Variants in VAMP7 observed in about 807,000 individuals in gnomAD.
The protein encoded by VAMP7 is vesicle-associated membrane protein 7.
VAMP7 carries 14 observed loss-of-function variants against 29.6 expected under a neutral mutation model. That is an observed-to-expected ratio of 0.47 (90% CI 0.31 to 0.74). VAMP7 has a LOEUF of 0.74. Ranked by LOEUF, VAMP7 falls within the 30% of genes least tolerant of loss-of-function variation. The pLI, the probability that VAMP7 is intolerant of heterozygous loss-of-function variation, is 0.05. For synonymous variants in VAMP7, 95 were observed against 88.1 expected (o/e 1.08, Z -0.44); for missense variants, 223 against 262.4 (o/e 0.85, Z 1.04).
chrX:155,942,120 C>T lies in VAMP7; in HGVS notation c.*169C>T. 1 of 1,552,326 alleles carries T rather than the reference C, an allele frequency of 6.4e-7. No individual in the cohort carries two copies. The highest frequency in any genetic ancestry group is 2.4e-5 in the East Asian group (1 of 40,926). On this transcript the variant is annotated 3_prime_UTR_variant, in exon 8 of 8. Transcript: ENST00000286448. ...GCCTCCAGGTTTATCTTTGTCTTATCTACCAGTTTATTCCTGTGAACTTCA... is the reference window on the plus strand; with the variant it reads ...GCCTCCAGGTTTATCTTTGTCTTATTTACCAGTTTATTCCTGTGAACTTCA...
In VAMP7 at chrX:155,893,000, G is replaced by T. The variant is rs1363063542; in HGVS notation, c.147-2623G>T. On this transcript the variant is annotated intron_variant, in intron 2 of 7. Transcript: ENST00000286448. ...ACTCCTGACCTCAGGCAATCCGCCC[G>T]CCTCGGCCTCCCAAAGTGCTGGGAT... Among the ~76,000 whole-genome samples, 2 of 151,832 alleles carry T rather than the reference G, an allele frequency of 1.3e-5. 1 individual carries two copies. Among genetic ancestry groups the T allele is most frequent in the African/African-American group, 4.9e-5 (2 of 41,224 alleles).
In VAMP7 at chrX:155,942,218, A is replaced by G; in HGVS notation, c.*267A>G. 3 of 1,489,580 alleles carry G rather than the reference A, an allele frequency of 2.0e-6. No individual in the cohort carries two copies. Among genetic ancestry groups the G allele is most frequent in the Non-Finnish European group, 1.8e-6 (2 of 1,115,842 alleles). 92.3% of individuals were successfully genotyped at this position (1,489,580 alleles called of 1,614,324 possible). On this transcript the variant is annotated 3_prime_UTR_variant, in exon 8 of 8. Coordinates refer to ENST00000286448, the MANE Select transcript of VAMP7 (RefSeq NM_005638.6). ...TTTCTTTGGTTTGTTAACTAGTGTC[A>G]TCTATTTAGAGAAACATTTTTGTTT... is the stretch of plus-strand genomic sequence containing the variant.
At chrX:155,887,951 AAAG>A (rs1377595790) in intron 1 of VAMP7, among the ~76,000 whole-genome samples, 1 of 151,734 alleles carries the variant, frequency 6.6e-6, no homozygotes, top group Non-Finnish European at 1.5e-5. Flanking sequence ...AAAAAAAAAA[AAAG>A]AAAAGAAACA....
At chrX:155,933,128 C>T (rs954560498) in intron 6 of VAMP7, among the ~76,000 whole-genome samples, 2 of 152,062 alleles carry the variant, frequency 1.3e-5, no homozygotes, top group Non-Finnish European at 2.9e-5. Flanking sequence ...AAGATTTTTG[C>T]GTCGGTGTTC....
chrX:155,889,695 A>C (rs2065904564), intron 2 of VAMP7, 83 bp downstream of exon 2: 1 of 1,467,208 alleles, frequency 6.8e-7, no homozygotes, highest in African/African-American at 1.4e-5. Context: ...GTAGAAAACA[A>C]GCTTCTAGGT....
intron 5 of VAMP7, among the ~76,000 whole-genome samples, chrX:155,904,511 G>C (rs2066119447): frequency 6.6e-6 from 1 of 151,918 alleles, no homozygotes; most frequent in African/African-American, 2.4e-5. Flanking sequence ...TATATTCACA[G>C]AATTGTACAA....
chrX:155,939,891 T>C, intron 7 of VAMP7, 98 bp downstream of exon 7: 3 of 1,035,806 alleles, frequency 2.9e-6, no homozygotes, highest in Non-Finnish European at 4.5e-6. Context: ...TGAAATGAGC[T>C]ACATATGTCT....
At chrX:155,884,929 T>C (rs1334544332) in intron 1 of VAMP7, among the ~76,000 whole-genome samples, 1 of 152,240 alleles carries the variant, frequency 6.6e-6, no homozygotes, top group African/African-American at 2.4e-5. Flanking sequence ...GGCAATTTCT[T>C]ACTTACAAAT....
chrX:155,891,948 T>C (rs2065929688), intron 2 of VAMP7, among the ~76,000 whole-genome samples: 1 of 152,204 alleles, frequency 6.6e-6, no homozygotes, highest in Admixed American at 6.5e-5. Context: ...TTTGTGTTTC[T>C]AGGCAGTTCC....
intron 5 of VAMP7, among the ~76,000 whole-genome samples, chrX:155,901,046 T>G (rs1480024979): frequency 6.6e-6 from 1 of 152,010 alleles, no homozygotes; most frequent in African/African-American, 2.4e-5. Flanking sequence ...TATGAAAATG[T>G]CAATTGGACT....
chrX:155,888,858 T>C (rs2065895564), intron 1 of VAMP7, among the ~76,000 whole-genome samples: 1 of 152,178 alleles, frequency 6.6e-6, no homozygotes. Flanking sequence ...GGGGAAATTA[T>C]TTAAGTCATC....
rs141889109 is a variant in VAMP7 at position 155,939,785 on chromosome X, G to A, written c.586G>A (p.Val196Ile). 562 of 1,612,332 alleles carry A rather than the reference G, an allele frequency of 3.5e-4. 3 individuals carry two copies. The highest frequency in any genetic ancestry group is 2.1e-3 in the Middle Eastern group (13 of 6,054). ...CAAGCTCACTATTATCATCATCATC[G>A]TATCAATTGTAAGTTTTTGTCCTTT... is the stretch of plus-strand genomic sequence containing the variant. ...NLKLTIIIIIVSIVFIYIIVS... is the reference protein window; with the variant it reads ...NLKLTIIIIIISIVFIYIIVS... The change falls in exon 7 of 8, where the codon GTA (valine) becomes ATA (isoleucine). Residue 196 changes from valine (V) to isoleucine (I), a missense_variant. Transcript: ENST00000286448.
chrX:155,930,663 A>AG (rs1569449737), intron 6 of VAMP7, among the ~76,000 whole-genome samples: 1,821 of 149,622 alleles, frequency 0.012, 28 homozygotes, highest in African/African-American at 0.043. Context: ...AAAAAAAAAA[A>AG]ATTTTTTTTC....
intron 5 of VAMP7, among the ~76,000 whole-genome samples, chrX:155,918,325 T>C (rs1207167351): frequency 1.3e-5 from 2 of 151,800 alleles, no homozygotes; most frequent in Non-Finnish European, 2.9e-5. Context: ...CAGTTATGTC[T>C]CACTGGCATT....
intron 6 of VAMP7, among the ~76,000 whole-genome samples, chrX:155,929,879 G>A (rs979730864): frequency 4.6e-5 from 7 of 151,922 alleles, no homozygotes; most frequent in Admixed American, 3.9e-4. Context: ...GCAAGTTTGG[G>A]GATTCCCCAA....
chrX:155,896,442 A>G (rs2065988251), intron 3 of VAMP7, among the ~76,000 whole-genome samples: 1 of 152,168 alleles, frequency 6.6e-6, no homozygotes, highest in Non-Finnish European at 1.5e-5. Context: ...GATCAGCTAT[A>G]TAAACCTGTA....
At chrX:155,918,210 G>A (rs1202393289) in intron 5 of VAMP7, among the ~76,000 whole-genome samples, 1 of 152,140 alleles carries the variant, frequency 6.6e-6, no homozygotes, top group Non-Finnish European at 1.5e-5. Context: ...CTGGCAATGA[G>A]AATTTCAAGC....
chrX:155,886,733 AC>A (rs1314487270), intron 1 of VAMP7, among the ~76,000 whole-genome samples: 1 of 152,154 alleles, frequency 6.6e-6, no homozygotes, highest in Non-Finnish European at 1.5e-5. Flanking sequence ...ATATGTTCTA[AC>A]CAGCACAGAG....
At chrX:155,939,490 G>C (rs2066712052) in intron 6 of VAMP7, among the ~76,000 whole-genome samples, 1 of 152,160 alleles carries the variant, frequency 6.6e-6, no homozygotes, top group Non-Finnish European at 1.5e-5. Context: ...AAAAAAGAGG[G>C]AAGCGTTTTC....
Sources: allele counts gnomAD v4.1 joint callset (sites outside exome capture counted in the v4.1 genomes callset), GRCh38; gene constraint gnomAD v4.1.1; transcripts MANE v1.5; gene names NCBI Gene and HGNC (gene_info 2026-07-23, HGNC 2026-07-21).